Variants in SAMD15 observed in about 807,000 individuals in gnomAD.
The protein encoded by SAMD15 is sterile alpha motif domain-containing protein 15.
In SAMD15, 37 loss-of-function variants were observed where a neutral mutation model predicts 50.5. That is an observed-to-expected ratio of 0.73 (90% confidence interval 0.56 to 0.96). SAMD15 has a LOEUF of 0.96. Among genes scored for constraint, SAMD15 ranks in the 40% least tolerant of loss-of-function variants. SAMD15 has a pLI of 0.00. For missense variants in SAMD15, 789 were observed against 783.8 expected, an observed-to-expected ratio of 1.01 and a Z score of -0.08; for synonymous variants, 255 against 282.8, an observed-to-expected ratio of 0.90 and a Z score of 0.99.
intron 2 of SAMD15, among the ~76,000 whole-genome samples, chr14:77,382,586 C>T (rs1353775183): frequency 6.6e-6 from 1 of 151,938 alleles, no homozygotes; most frequent in Admixed American, 6.6e-5. Flanking sequence ...GTTTAAGAGC[C>T]AGGATTTAAG....
At chr14:77,382,217 C>T (rs1197580798) in intron 2 of SAMD15, among the ~76,000 whole-genome samples, 5 of 151,996 alleles carry the variant, frequency 3.3e-5, no homozygotes, top group East Asian at 1.9e-4. Flanking sequence ...CTCCACCTCC[C>T]GGGTTCAAGC....
intron 1 of SAMD15, 73 bp from the exon 2 acceptor site, chr14:77,380,310 C>G: frequency 8.8e-6 from 8 of 908,860 alleles, no homozygotes; most frequent in South Asian, 1.3e-5. Flanking sequence ...TTCTTCCCTT[C>G]CTCCCCCTTC....
rs1566700139 is a variant in SAMD15 at position 77,379,474 on chromosome 14, T to C, written c.1689+367T>C. Among the ~76,000 whole-genome samples, 4 of 151,998 alleles carry C rather than the reference T, an allele frequency of 2.6e-5. No individual in the cohort carries two copies. In the South Asian group the frequency reaches 8.3e-4, roughly 32 times the overall value. ...TCTCGGCTCACTGCAAGCTCCACCTTCCCCAGGTTCACGCCATTCTCCTGC... is the reference window on the plus strand; with the variant it reads ...TCTCGGCTCACTGCAAGCTCCACCTCCCCCAGGTTCACGCCATTCTCCTGC... On this transcript the variant is annotated intron_variant, in intron 1 of 2. Transcript: ENST00000216471.
chr14:77,391,255 CT>C lies in SAMD15; in HGVS notation c.*13del. The C allele has an allele frequency of 6.6e-7, 1 of 1,518,556 alleles. No homozygotes were observed. The highest frequency in any genetic ancestry group is 9.1e-7 in the Non-Finnish European group (1 of 1,095,494). The allele number at this position is 1,518,556 out of a possible 1,614,324, so 94.1% of individuals were successfully genotyped here. A position where few individuals can be genotyped will look rare whatever the true frequency, so the allele number is the denominator to read the frequency against. Reference sequence around the variant, plus strand: ...TGCACTGAACCATAGGGGAAATCCACTTCACAGAGCTTGAAAGATCAAACTA... The same window carrying C: ...TGCACTGAACCATAGGGGAAATCCACTCACAGAGCTTGAAAGATCAAACTA... On this transcript the variant is annotated 3_prime_UTR_variant, in exon 3 of 3. Coordinates refer to ENST00000216471, the MANE Select transcript of SAMD15 (RefSeq NM_001010860.4).
At chr14:77,382,281 C>T (rs1028033343) in intron 2 of SAMD15, among the ~76,000 whole-genome samples, 9 of 152,028 alleles carry the variant, frequency 5.9e-5, no homozygotes, top group South Asian at 2.1e-4. Flanking sequence ...CGTGGCACCA[C>T]GCCCAGCTAA....
In SAMD15 at chr14:77,379,056, T is replaced by A; in HGVS notation, c.1638T>A (p.Asp546Glu). Residue 546 changes from aspartate to glutamate, a missense_variant, in exon 1 of 3, where the codon GAT (aspartate) becomes GAA (glutamate). Coordinates refer to ENST00000216471, the MANE Select transcript of SAMD15 (RefSeq NM_001010860.4). ...TELQFEHLNWDPEEVAEWISQ... is the reference protein window; with the variant it reads ...TELQFEHLNWEPEEVAEWISQ... ...TACAATTTGAGCATCTTAATTGGGA[T>A]CCAGAGGAAGTTGCAGAGTGGATTA... 6.2e-7 allele frequency: 1 copy of A among 1,613,988 alleles called. No individual in the cohort carries two copies.
chr14:77,379,256 G>A, intron 1 of SAMD15, 149 bp downstream of exon 1: 2 of 696,390 alleles, frequency 2.9e-6, no homozygotes, highest in South Asian at 2.0e-5. Context: ...TTTAATTTTG[G>A]CCTTGCCACT....
chr14:77,378,966 G>C lies in SAMD15; in HGVS notation c.1548G>C (p.Leu516Phe). Residue 516 changes from leucine (L) to phenylalanine (F), a missense_variant, in exon 1 of 3, where the codon TTG becomes TTC. By Grantham distance (22) the Leu-to-Phe change is conservative (BLOSUM62 0). Coordinates refer to ENST00000216471, the MANE Select transcript of SAMD15 (RefSeq NM_001010860.4). The stretch of plus-strand genomic sequence containing the variant: ...TTCATGAAAAGGAAGTTGTAGATTT[G>C]TCCCAAGAGTTGAAGGAACGGGTCT... Reference protein sequence around the residue: ...EFVHEKEVVDLSQELKERVSE... With the variant: ...EFVHEKEVVDFSQELKERVSE... 6.2e-7 allele frequency: 1 copy of C among 1,614,152 alleles called. No individual in the cohort carries two copies. Among genetic ancestry groups the C allele is most frequent in the Non-Finnish European group, 8.5e-7 (1 of 1,180,038 alleles).
Position 77,383,711 on chromosome 14 carries a change from G to A in SAMD15, c.1788+3230G>A, listed in dbSNP as rs567971556. Among the ~76,000 whole-genome samples, 39 of 150,304 alleles carry A rather than the reference G, an allele frequency of 2.6e-4. 1 individual carries two copies. The highest frequency in any genetic ancestry group is 8.3e-4 in the African/African-American group (33 of 39,652). ...ATTATGGCCAGGTCTGGTGGCTCAC[G>A]CCTGTAATCCCAGCACTTTGGGAGG... On this transcript the variant is annotated intron_variant, in intron 2 of 2. Coordinates refer to ENST00000216471, the MANE Select transcript of SAMD15 (RefSeq NM_001010860.4).
Position 77,378,203 on chromosome 14 carries a change from T to C in SAMD15, c.785T>C (p.Leu262Pro), listed in dbSNP as rs1182885832. Residue 262 changes from leucine to proline, a missense_variant, in exon 1 of 3, where the codon CTG (leucine) becomes CCG (proline). Coordinates refer to ENST00000216471, the MANE Select transcript of SAMD15 (RefSeq NM_001010860.4). ...ACAGAGCCACCCGAGCAGGCTAGAC[T>C]GGAATTTCTGGAGAAGGAACCAAGA... ...KRTEPPEQAR[L>P]EFLEKEPRKS... 1 of 1,613,812 alleles carries C rather than the reference T, an allele frequency of 6.2e-7. No individual in the cohort carries two copies. Among genetic ancestry groups the C allele is most frequent in the Non-Finnish European group, 8.5e-7 (1 of 1,179,972 alleles).
rs567870819 is a variant in SAMD15 at position 77,391,369 on chromosome 14, T to C, written c.*125T>C. 10 of 633,730 alleles carry C rather than the reference T, an allele frequency of 1.6e-5. No homozygotes were observed. The South Asian group carries it at 2.2e-4, about 14-fold the overall frequency. 39.3% of individuals were successfully genotyped at this position (633,730 alleles called of 1,614,324 possible). A position where few individuals can be genotyped will look rare whatever the true frequency, so the allele number is the denominator to read the frequency against. On this transcript the variant is annotated 3_prime_UTR_variant, in exon 3 of 3. Transcript: ENST00000216471. Reference sequence around the variant, plus strand: ...ATTTTTTTGAGACAGAGTCTTGCTCTGTCGCCCAGGCTGGAGTGCAATGGC... The same window carrying C: ...ATTTTTTTGAGACAGAGTCTTGCTCCGTCGCCCAGGCTGGAGTGCAATGGC...
At position 77,378,123 on chromosome 14, in the gene SAMD15, G is replaced by T. The variant is rs539219101; in HGVS notation, c.705G>T (p.Met235Ile). 8.1e-6 allele frequency: 13 copies of T among 1,613,784 alleles called. No homozygotes were observed. In the African/African-American group the frequency reaches 1.3e-4, roughly 17 times the overall value. The change falls in exon 1 of 3, where the codon ATG becomes ATT. Residue 235 changes from methionine (M) to isoleucine (I), a missense_variant. Met to Ile is a conservative substitution (Grantham distance 10). Around this residue, in one of 2 missense-constraint regions of SAMD15, gnomAD observed 770 missense variants for 745.4 expected, o/e 1.03. Coordinates refer to ENST00000216471, the MANE Select transcript of SAMD15 (RefSeq NM_001010860.4). ...AGACAGATCTTCAGCCACCAAAGATGACCAAACCAGAGACTCCAGAGGAGA... is the reference window on the plus strand; with the variant it reads ...AGACAGATCTTCAGCCACCAAAGATTACCAAACCAGAGACTCCAGAGGAGA... The part of the protein sequence containing the change: ...LEETDLQPPK[M>I]TKPETPEETQ...
chr14:77,391,265 C>A lies in SAMD15; in HGVS notation c.*21C>A. The A allele has an allele frequency of 6.9e-7, 1 of 1,453,052 alleles. No individual in the cohort carries two copies. 90.0% of individuals were successfully genotyped at this position (1,453,052 alleles called of 1,614,324 possible). ...CATAGGGGAAATCCACTTCACAGAG[C>A]TTGAAAGATCAAACTAAATTACTTG... is the stretch of plus-strand genomic sequence containing the variant. On this transcript the variant is annotated 3_prime_UTR_variant, in exon 3 of 3. Coordinates refer to ENST00000216471, the MANE Select transcript of SAMD15 (RefSeq NM_001010860.4).
At position 77,378,188 on chromosome 14, in the gene SAMD15, C is replaced by T; in HGVS notation, c.770C>T (p.Pro257Leu). The T allele has an allele frequency of 6.2e-7, 1 of 1,613,742 alleles. No homozygotes were observed. Among genetic ancestry groups the T allele is most frequent in the Admixed American group, 1.7e-5 (1 of 59,952 alleles). Residue 257 changes from proline to leucine, a missense_variant, in exon 1 of 3, where the codon CCC (proline) becomes CTC (leucine). By Grantham distance (98) the Pro-to-Leu change is moderately conservative. Around this residue, in one of 2 missense-constraint regions of SAMD15, gnomAD observed 770 missense variants for 745.4 expected, o/e 1.03. Coordinates refer to ENST00000216471, the MANE Select transcript of SAMD15 (RefSeq NM_001010860.4). ...ACTGAGAAGAAAAGGACAGAGCCAC[C>T]CGAGCAGGCTAGACTGGAATTTCTG... ...ESTEKKRTEP[P>L]EQARLEFLEK...
chr14:77,384,736 G>A (rs551133654), intron 2 of SAMD15, among the ~76,000 whole-genome samples: 19 of 152,138 alleles, frequency 1.2e-4, no homozygotes, highest in Non-Finnish European at 2.2e-4. Flanking sequence ...AAACCAAGAC[G>A]TGGACACTAG....
At chr14:77,381,461 C>T (rs368260504) in intron 2 of SAMD15, among the ~76,000 whole-genome samples, 1 of 152,208 alleles carries the variant, frequency 6.6e-6, no homozygotes, top group Non-Finnish European at 1.5e-5. Flanking sequence ...TTGCTCAGCA[C>T]ACCCATGCCC....
At chr14:77,381,774 T>G (rs1408992160) in intron 2 of SAMD15, among the ~76,000 whole-genome samples, 1 of 152,210 alleles carries the variant, frequency 6.6e-6, no homozygotes, top group Non-Finnish European at 1.5e-5. Flanking sequence ...GAGCGTTTAC[T>G]TTCTTAAATT....
intron 2 of SAMD15, among the ~76,000 whole-genome samples, chr14:77,387,067 C>T (rs1288615463): frequency 2.6e-5 from 4 of 152,132 alleles, no homozygotes; most frequent in African/African-American, 9.7e-5. Context: ...TCCTTACTAA[C>T]TCAAGTAATT....
intron 2 of SAMD15, among the ~76,000 whole-genome samples, chr14:77,385,410 C>T (rs998527991): frequency 6.6e-6 from 1 of 151,818 alleles, no homozygotes; most frequent in Non-Finnish European, 1.5e-5. Flanking sequence ...CTCAGCCTCC[C>T]GAGTAGCTGG....
Sources: allele counts gnomAD v4.1 joint callset (sites outside exome capture counted in the v4.1 genomes callset), GRCh38; gene constraint gnomAD v4.1.1; regional missense constraint gnomAD v4.1.1; transcripts MANE v1.5; gene names NCBI Gene and HGNC (gene_info 2026-07-23, HGNC 2026-07-21).